The following IPP variants were observed in gnomAD, a reference collection of about 807,000 sequenced individuals.
IPP encodes actin-binding protein IPP.
Under a neutral mutation model 64.1 loss-of-function variants are expected in IPP, and 41 were observed. That is an observed-to-expected ratio of 0.64 (90% confidence interval 0.50 to 0.83). The LOEUF (loss-of-function observed/expected upper bound fraction) is 0.83, where lower values mean the gene tolerates loss of function less well. Among genes scored for constraint, IPP ranks in the 40% least tolerant of loss-of-function variants. The probability of loss-of-function intolerance (pLI) is 0.00; values close to 1 mark genes in which losing one functional copy is unlikely to be tolerated. For synonymous variants in IPP, 214 were observed against 235.2 expected (o/e 0.91, Z 0.83); for missense variants, 649 against 703.0 (o/e 0.92, Z 0.87).
intron 5 of IPP, among the ~76,000 whole-genome samples, chr1:45,721,724 A>T (rs1252915573): frequency 6.6e-6 from 1 of 152,252 alleles, no homozygotes; most frequent in Non-Finnish European, 1.5e-5. Context: ...AACAAAATAG[A>T]CAATTTTTAA....
chr1:45,716,361 C>T (rs1325495460), intron 7 of IPP, among the ~76,000 whole-genome samples: 1 of 152,218 alleles, frequency 6.6e-6, no homozygotes, highest in Non-Finnish European at 1.5e-5. Context: ...TATCCTGCCT[C>T]AGCCTCCCTA....
Position 45,710,638 on chromosome 1 carries a change from A to AG in IPP, c.1530+3607_1530+3608insC, listed in dbSNP as rs1553189008. Among the ~76,000 whole-genome samples the AG allele has an allele frequency of 1.2e-4, 4 of 32,122 alleles. 1 individual carries two copies. The East Asian group carries it at 3.1e-3, about 25-fold the overall frequency. 21.1% of individuals were successfully genotyped at this position (32,122 alleles called of 152,430 possible). ...CTCTGTCTAAAAAAAAAAAAAAAAA[A>AG]AGAGAGAAGCTCTTTGAGCTAAGAA... On this transcript the variant is annotated intron_variant, in intron 8 of 8. Transcript: ENST00000396478.
At position 45,746,388 on chromosome 1, in the gene IPP, C is replaced by G; in HGVS notation, c.24G>C (p.Lys8Asn). MANEDCP[K>N]AADSPFSSDK... is the part of the protein sequence containing the mutation. Reference sequence around the variant, plus strand: ...CTGATGAAAAAGGACTATCAGCAGCCTTGGGACAGTCCTCATTAGCCATGA... The same window carrying G: ...CTGATGAAAAAGGACTATCAGCAGCGTTGGGACAGTCCTCATTAGCCATGA... The change falls in exon 2 of 9, where the codon AAG (lysine) becomes AAC (asparagine). Residue 8 changes from lysine to asparagine, a missense_variant. Physicochemically the swap from Lys to Asn is moderately conservative, Grantham distance 94. Transcript: ENST00000396478. 6.2e-7 allele frequency: 1 copy of G among 1,613,094 alleles called. No homozygotes were observed. The highest frequency in any genetic ancestry group is 8.5e-7 in the Non-Finnish European group (1 of 1,179,080).
chr1:45,725,511 A>T (rs1645810573), intron 5 of IPP, among the ~76,000 whole-genome samples: 1 of 135,552 alleles, frequency 7.4e-6, no homozygotes, highest in Non-Finnish European at 1.6e-5. Flanking sequence ...CCGGGAGGTG[A>T]GGGGCGCTTC....
chr1:45,748,174 C>A (rs1646166705), intron 1 of IPP, among the ~76,000 whole-genome samples: 1 of 152,030 alleles, frequency 6.6e-6, no homozygotes, highest in African/African-American at 2.4e-5. Flanking sequence ...CATATAATAG[C>A]AAGAAGTGTT....
At chr1:45,728,126 CTGTG>C (rs371114917) in intron 4 of IPP, among the ~76,000 whole-genome samples, 7,815 of 132,114 alleles carry the variant, frequency 0.059, 254 homozygotes, top group African/African-American at 0.11. Flanking sequence ...GAGTTGAAAG[CTGTG>C]TGTGTGTGTG....
In IPP at chr1:45,699,961, A is replaced by G. The variant is rs1447189093; in HGVS notation, c.*5T>C. ...TGTTCCTTGTGCTCTGTTATGCTTT[A>G]TATTTCATAGCACAGCAACGCCCCC... On this transcript the variant is annotated 3_prime_UTR_variant, in exon 9 of 9. Coordinates refer to ENST00000396478, the MANE Select transcript of IPP (RefSeq NM_005897.3). The G allele has an allele frequency of 5.6e-6, 9 of 1,613,922 alleles. No homozygotes were observed. The highest frequency in any genetic ancestry group is 6.8e-6 in the Non-Finnish European group (8 of 1,179,940).
At chr1:45,706,155 T>A (rs1645509955) in intron 8 of IPP, among the ~76,000 whole-genome samples, 1 of 152,144 alleles carries the variant, frequency 6.6e-6, no homozygotes, top group Admixed American at 6.6e-5. Flanking sequence ...CACAAGGCTA[T>A]GAGATATTTG....
At chr1:45,740,821 A>G (rs1472527875) in intron 3 of IPP, 80 bp downstream of exon 3, 14 of 933,408 alleles carry the variant, frequency 1.5e-5, no homozygotes, top group Non-Finnish European at 2.2e-5. Context: ...GAACCAAAAA[A>G]TGAAAACACT....
chr1:45,728,826 G>T (rs1007680984), intron 4 of IPP, among the ~76,000 whole-genome samples: 1 of 151,858 alleles, frequency 6.6e-6, no homozygotes, highest in African/African-American at 2.4e-5. Flanking sequence ...AAATAAAAAT[G>T]AAAAGAAGTT....
intron 3 of IPP, among the ~76,000 whole-genome samples, chr1:45,732,752 C>T (rs1645928084): frequency 6.6e-6 from 1 of 152,042 alleles, no homozygotes; most frequent in South Asian, 2.1e-4. Flanking sequence ...CTGAAAGCTC[C>T]ACCTCCTGGG....
intron 1 of IPP, among the ~76,000 whole-genome samples, chr1:45,749,670 G>A (rs1390088358): frequency 6.6e-6 from 1 of 151,246 alleles, no homozygotes; most frequent in East Asian, 1.9e-4. Flanking sequence ...ACAGGCGCCC[G>A]CCACCACGCC....
intron 5 of IPP, among the ~76,000 whole-genome samples, chr1:45,720,935 G>A (rs1328134000): frequency 6.6e-6 from 1 of 152,054 alleles, no homozygotes; most frequent in South Asian, 2.1e-4. Context: ...AGGGAAAGAT[G>A]TCTTAAATAA....
rs1372027187 is a variant in IPP, at chr1:45,741,131, T to C, written c.494A>G (p.His165Arg). The C allele has an allele frequency of 6.2e-7, 1 of 1,614,030 alleles. No homozygotes were observed. The highest frequency in any genetic ancestry group is 8.5e-7 in the Non-Finnish European group (1 of 1,180,014). Residue 165 changes from histidine (H) to arginine (R), a missense_variant, in exon 3 of 9, where the codon CAT becomes CGT. Transcript: ENST00000396478. Reference sequence around the variant, plus strand: ...TTCTCCACTATGAACCTCCAAGAAATGGACATGAATGTAGTTTTCTGAGAA... The same window carrying C: ...TTCTCCACTATGAACCTCCAAGAAACGGACATGAATGTAGTTTTCTGAGAA... ...LEFSENYIHV[H>R]FLEVHSGEEF...
At chr1:45,724,712 C>T (rs1263528464) in intron 5 of IPP, among the ~76,000 whole-genome samples, 2 of 150,754 alleles carry the variant, frequency 1.3e-5, no homozygotes, top group African/African-American at 2.4e-5. Context: ...CCGGCCGCCC[C>T]GTCTGAGAAG....
chr1:45,730,381 C>G (rs955241689), intron 3 of IPP, among the ~76,000 whole-genome samples: 1 of 151,010 alleles, frequency 6.6e-6, no homozygotes, highest in African/African-American at 2.4e-5. Flanking sequence ...GAAGAATTTC[C>G]AAATAAAGAT....
chr1:45,741,173 C>T lies in IPP; in HGVS notation c.452G>A (p.Cys151Tyr), dbSNP rs559698247. 1 of 1,614,132 alleles carries T rather than the reference C, an allele frequency of 6.2e-7. No homozygotes were observed. The highest frequency in any genetic ancestry group is 1.3e-5 in the African/African-American group (1 of 75,042). Residue 151 changes from cysteine to tyrosine, a missense_variant, in exon 3 of 9, where the codon TGC (cysteine) becomes TAC (tyrosine). Physicochemically the swap from Cys to Tyr is radical, Grantham distance 194. Transcript: ENST00000396478. The part of the protein sequence containing the change: ...GIFQFSEQIA[C>Y]HDLLEFSENY... ...TTCTGAGAATTCCAAGAGATCATGG[C>T]AGGCAATTTGCTCAGAGAACTGAAA...
chr1:45,702,890 A>T (rs898602256), intron 8 of IPP, among the ~76,000 whole-genome samples: 1 of 152,244 alleles, frequency 6.6e-6, no homozygotes, highest in African/African-American at 2.4e-5. Flanking sequence ...GATCATGGAG[A>T]AAGGAATTTG....
chr1:45,722,202 C>T (rs1037728193), intron 5 of IPP, among the ~76,000 whole-genome samples: 1 of 151,800 alleles, frequency 6.6e-6, no homozygotes, highest in Non-Finnish European at 1.5e-5. Context: ...TGCTGTGAGC[C>T]GAGACTGAGC....
Sources: gnomAD v4.1 joint callset for allele counts (sites outside exome capture counted in the v4.1 genomes callset) on GRCh38, gnomAD v4.1.1 for gene constraint, MANE v1.5 for transcripts, NCBI Gene and HGNC (gene_info 2026-07-23, HGNC 2026-07-21) for gene names.